The following SAMD12 variants were observed in gnomAD, a reference collection of about 807,000 sequenced individuals.
SAMD12 encodes the protein sterile alpha motif domain containing 12, also known as sterile alpha motif domain-containing protein 12.
SAMD12 carries 9 observed loss-of-function variants against 15.0 expected under a neutral mutation model. The ratio of observed to expected loss-of-function variants is 0.60; its 90% CI spans 0.36 to 1.05. The LOEUF (loss-of-function observed/expected upper bound fraction) is 1.05. Ranked by LOEUF, SAMD12 falls within the 50% of genes least tolerant of loss-of-function variation. The probability of loss-of-function intolerance (pLI) is 0.01; values close to 1 mark genes in which losing one functional copy is unlikely to be tolerated. For synonymous variants in SAMD12, 86 were observed against 90.1 expected (o/e 0.96, Z 0.25); for missense variants, 230 against 234.2 (o/e 0.98, Z 0.12).
intron 2 of SAMD12, among the ~76,000 whole-genome samples, chr8:118,532,963 T>C: frequency 6.6e-6 from 1 of 152,220 alleles, no homozygotes; most frequent in Non-Finnish European, 1.5e-5. Context: ...ATTTTAGTTA[T>C]TTCTTGCCTT....
At chr8:118,612,684 C>T (rs1189131150) in intron 1 of SAMD12, among the ~76,000 whole-genome samples, 1 of 152,238 alleles carries the variant, frequency 6.6e-6, no homozygotes, top group Non-Finnish European at 1.5e-5. Context: ...AAAACATACT[C>T]ACTATATGAC....
intron 4 of SAMD12, among the ~76,000 whole-genome samples, chr8:118,264,482 G>A (rs1391823699): frequency 6.6e-6 from 1 of 152,104 alleles, no homozygotes; most frequent in Non-Finnish European, 1.5e-5. Context: ...GAGTCTTTGG[G>A]ATACTCAGAG....
intron 4 of SAMD12, among the ~76,000 whole-genome samples, chr8:118,369,631 C>A (rs1818976917): frequency 6.6e-6 from 1 of 152,040 alleles, no homozygotes; most frequent in South Asian, 2.1e-4. Context: ...AGGAGAATCG[C>A]TTGAACCTAG....
At chr8:118,570,410 T>C (rs1826975285) in intron 2 of SAMD12, among the ~76,000 whole-genome samples, 1 of 152,140 alleles carries the variant, frequency 6.6e-6, no homozygotes, top group Non-Finnish European at 1.5e-5. Context: ...CTTCTATATA[T>C]CCATGTGTTC....
At position 118,490,147 on chromosome 8, in the gene SAMD12, T is replaced by C. The variant is rs2131012569; in HGVS notation, c.193-50186A>G. Among the ~76,000 whole-genome samples, 4 of 152,318 alleles carry C rather than the reference T, an allele frequency of 2.6e-5. No homozygotes were observed. The Middle Eastern group carries it at 0.014, about 518-fold the overall frequency. ...TTGTTGATGTAGCAAATCATTATCA[T>C]ATGTTAACATTTTTCAGCTGTTTAG... On this transcript the variant is annotated intron_variant, in intron 2 of 3. Transcript: ENST00000314727.
the SAMD12 span, among the ~76,000 whole-genome samples, chr8:118,147,662 T>C: frequency 1.3e-5 from 2 of 152,054 alleles, no homozygotes; most frequent in Admixed American, 6.6e-5. Flanking sequence ...GCCCGGCCCC[T>C]ATGAAAAAAT....
At chr8:118,320,672 TG>T (rs71569763) in intron 4 of SAMD12, among the ~76,000 whole-genome samples, 39 of 85,284 alleles carry the variant, frequency 4.6e-4, no homozygotes, top group Non-Finnish European at 8.7e-4. Flanking sequence ...TGTCGTGGGG[TG>T]GGGGGGGTGG....
intron 4 of SAMD12, among the ~76,000 whole-genome samples, chr8:118,242,989 C>CT (rs1465206051): frequency 1.3e-5 from 2 of 152,168 alleles, no homozygotes; most frequent in Non-Finnish European, 2.9e-5. Context: ...CTCACCTGCT[C>CT]TATGATCCAG....
At chr8:118,320,112 A>C (rs1018393128) in intron 4 of SAMD12, among the ~76,000 whole-genome samples, 31 of 152,178 alleles carry the variant, frequency 2.0e-4, no homozygotes, top group African/African-American at 7.5e-4. Context: ...CCCTTGAAGA[A>C]ATAAAGCGAT....
At chr8:118,547,442 G>T (rs113937935) in intron 2 of SAMD12, among the ~76,000 whole-genome samples, 1 of 152,278 alleles carries the variant, frequency 6.6e-6, no homozygotes, top group African/African-American at 2.4e-5. Context: ...GTATTGGGTT[G>T]TAATTAATCA....
At chr8:118,147,840 C>G in the SAMD12 span, among the ~76,000 whole-genome samples, 1 of 152,232 alleles carries the variant, frequency 6.6e-6, no homozygotes, top group Admixed American at 6.5e-5. Context: ...ACCTCAAACT[C>G]CTAGACTCAA....
At chr8:118,168,563 T>C in the SAMD12 span, among the ~76,000 whole-genome samples, 4 of 152,310 alleles carry the variant, frequency 2.6e-5, no homozygotes, top group South Asian at 8.3e-4. Context: ...TTCTCTTAGG[T>C]TGTCTTCTTC....
At chr8:118,432,641 C>T (rs4492409) in intron 3 of SAMD12, among the ~76,000 whole-genome samples, 91,936 of 152,036 alleles carry the variant, frequency 0.6, 28,549 homozygotes, top group Admixed American at 0.68. Flanking sequence ...ATGAGATACT[C>T]AACCCAGATG....
chr8:118,545,954 T>C (rs376365452), intron 2 of SAMD12, among the ~76,000 whole-genome samples: 37 of 152,282 alleles, frequency 2.4e-4, no homozygotes, highest in African/African-American at 8.4e-4. Flanking sequence ...TGCCTTCAGT[T>C]ACTCCACAGA....
intron 3 of SAMD12, among the ~76,000 whole-genome samples, chr8:118,396,492 AT>A (rs1820576877): frequency 6.6e-6 from 1 of 152,274 alleles, no homozygotes; most frequent in African/African-American, 2.4e-5. Context: ...CATGGGTTGT[AT>A]TTATCTCAGT....
At chr8:118,143,770 C>T in the SAMD12 span, among the ~76,000 whole-genome samples, 1 of 152,132 alleles carries the variant, frequency 6.6e-6, no homozygotes, top group Non-Finnish European at 1.5e-5. Context: ...AGACAATATC[C>T]TAACATGCCA....
intron 4 of SAMD12, among the ~76,000 whole-genome samples, chr8:118,233,462 A>G (rs2129932909): frequency 6.6e-6 from 1 of 152,296 alleles, no homozygotes; most frequent in South Asian, 2.1e-4. Context: ...GAAATGGGAT[A>G]AAATCTCAGG....
At chr8:118,221,316 G>A (rs901080150) in intron 4 of SAMD12, among the ~76,000 whole-genome samples, 8 of 152,116 alleles carry the variant, frequency 5.3e-5, no homozygotes, top group Non-Finnish European at 8.8e-5. Flanking sequence ...TGTGGAAAAC[G>A]TGTTGGAAAC....
chr8:118,288,227 C>T (rs1285087344), intron 4 of SAMD12: 2 of 151,904 alleles, frequency 1.3e-5, no homozygotes, highest in Non-Finnish European at 1.5e-5. Context: ...ATTTATTATC[C>T]CCATTTTACA....
Sources: allele counts gnomAD v4.1 joint callset (sites outside exome capture counted in the v4.1 genomes callset), GRCh38; gene constraint gnomAD v4.1.1; transcripts MANE v1.5; gene names NCBI Gene and HGNC (gene_info 2026-07-23, HGNC 2026-07-21).